MCC: variants seen among roughly 807,000 people sequenced by gnomAD.
The protein encoded by MCC is MCC regulator of Wnt signaling pathway.
A neutral mutation model predicts 116.2 loss-of-function variants in MCC; 90 were observed. The observed-to-expected ratio is 0.77, with a 90% confidence interval of 0.65 to 0.92. MCC has a LOEUF of 0.92. MCC is among the 40% of genes least tolerant of loss of function. The pLI, the probability that MCC is intolerant of heterozygous loss-of-function variation, is 0.00. For missense variants in MCC, 1,516 were observed against 1,312.2 expected, an observed-to-expected ratio of 1.16 and a Z score of -2.40; for synonymous variants, 578 against 510.5, an observed-to-expected ratio of 1.13 and a Z score of -1.78.
Position 113,488,291 on chromosome 5 carries a change from G to C in MCC, c.124C>G (p.Arg42Gly). The C allele has an allele frequency of 6.3e-7, 1 of 1,595,028 alleles. No individual in the cohort carries two copies. Among genetic ancestry groups the C allele is most frequent in the East Asian group, 2.4e-5 (1 of 40,890 alleles). The change falls in exon 1 of 19, where the codon CGC (arginine) becomes GGC (glycine). Residue 42 changes from arginine (R) to glycine (G), a missense_variant. Transcript: ENST00000408903. The stretch of plus-strand genomic sequence containing the variant: ...TCGCCGTCGCACGTCTGGAAGAGGC[G>C]CCGCATCCTCTCCTCCTCGCCGGTG... ...SSTGEEERMR[R>G]LFQTCDGDGD... is the part of the protein sequence containing the mutation.
intron 11 of MCC, among the ~76,000 whole-genome samples, chr5:113,081,057 T>G (rs1754825819): frequency 1.3e-5 from 2 of 152,278 alleles, no homozygotes; most frequent in South Asian, 2.1e-4. Flanking sequence ...GGAAAACATT[T>G]TGGTGGGTAG....
chr5:113,325,765 T>G (rs1445039706), intron 3 of MCC, among the ~76,000 whole-genome samples: 2 of 152,166 alleles, frequency 1.3e-5, no homozygotes, highest in East Asian at 3.8e-4. Flanking sequence ...CACTTTACAG[T>G]TGAATTTCAC....
rs182562709 is a variant in MCC at position 113,064,615 on chromosome 5, G to A, written c.2030-448C>T. 9.6e-4 allele frequency among the ~76,000 whole-genome samples: 146 copies of A among 152,334 alleles called. 1 individual carries two copies. Among genetic ancestry groups the A allele is most frequent in the African/African-American group, 3.4e-3 (142 of 41,578 alleles). On this transcript the variant is annotated intron_variant, in intron 13 of 18. Transcript: ENST00000408903. ...ATCTTTCCACATGTCTACAGCTTTG[G>A]TTAGAGCCCTGTGTGGGGGCAAGAG...
intron 11 of MCC, among the ~76,000 whole-genome samples, chr5:113,079,147 A>G (rs1262325426): frequency 6.6e-6 from 1 of 152,240 alleles, no homozygotes; most frequent in Non-Finnish European, 1.5e-5. Flanking sequence ...CCACTGCTCA[A>G]CGAAATAGAA....
intron 3 of MCC, among the ~76,000 whole-genome samples, chr5:113,170,251 GGT>G: frequency 6.6e-6 from 1 of 152,236 alleles, no homozygotes; most frequent in African/African-American, 2.4e-5. Flanking sequence ...GGAGCCATAG[GGT>G]GCTAACTGGT....
chr5:113,158,246 G>C (rs1221319161), intron 3 of MCC, among the ~76,000 whole-genome samples: 8 of 152,240 alleles, frequency 5.3e-5, no homozygotes, highest in African/African-American at 9.6e-5. Context: ...TGAGCCACTT[G>C]CTTTCCAGAT....
chr5:113,041,406 A>T (rs931829850), intron 17 of MCC, among the ~76,000 whole-genome samples: 3 of 152,248 alleles, frequency 2.0e-5, no homozygotes, highest in African/African-American at 7.2e-5. Flanking sequence ...AATCATAAAA[A>T]ATGAAAGGCA....
chr5:113,195,440 G>GT (rs1323573380), intron 3 of MCC, among the ~76,000 whole-genome samples: 2 of 151,930 alleles, frequency 1.3e-5, no homozygotes, highest in Admixed American at 6.6e-5. Flanking sequence ...CCTCAAACAT[G>GT]TTTCTCATCT....
At chr5:113,107,219 T>TC (rs1199982716) in intron 6 of MCC, among the ~76,000 whole-genome samples, 24 of 148,912 alleles carry the variant, frequency 1.6e-4, no homozygotes, top group Non-Finnish European at 1.0e-4. Context: ...TTTTTTTTTT[T>TC]TCTTTTTTTT....
chr5:113,049,007 G>T, intron 16 of MCC, 86 bp downstream of exon 16: 1 of 1,267,380 alleles, frequency 7.9e-7, no homozygotes, highest in Non-Finnish European at 1.1e-6. Flanking sequence ...TGAGGCAGCA[G>T]GGCGGTGAGG....
At chr5:113,049,003 A>C (rs1281100675) in intron 16 of MCC, 90 bp downstream of exon 16, 8 of 1,221,690 alleles carry the variant, frequency 6.5e-6, no homozygotes, top group Non-Finnish European at 9.5e-6. Context: ...GAACTGAGGC[A>C]GCAGGGCGGT....
At chr5:113,425,043 T>A (rs1770444626) in intron 1 of MCC, among the ~76,000 whole-genome samples, 1 of 152,130 alleles carries the variant, frequency 6.6e-6, no homozygotes, top group Non-Finnish European at 1.5e-5. Context: ...CTTAAGAATA[T>A]CAGTTTCCAT....
intron 5 of MCC, among the ~76,000 whole-genome samples, chr5:113,132,352 G>T (rs182683403): frequency 1.9e-4 from 28 of 146,328 alleles, no homozygotes; most frequent in African/African-American, 7.2e-4. Context: ...AAAAAGAAAA[G>T]TGCATATGTG....
At chr5:113,130,442 G>T (rs527924701) in intron 5 of MCC, among the ~76,000 whole-genome samples, 1 of 151,982 alleles carries the variant, frequency 6.6e-6, no homozygotes, top group Non-Finnish European at 1.5e-5. Context: ...AAACCTGCAC[G>T]TTCTGCAGAT....
chr5:113,182,679 A>T (rs1270346125), intron 3 of MCC, among the ~76,000 whole-genome samples: 1 of 152,204 alleles, frequency 6.6e-6, no homozygotes, highest in African/African-American at 2.4e-5. Flanking sequence ...TTCCTTTCAC[A>T]TACAACATAT....
At chr5:113,250,348 T>C (rs1764749631) in intron 3 of MCC, among the ~76,000 whole-genome samples, 2 of 152,238 alleles carry the variant, frequency 1.3e-5, no homozygotes, top group Non-Finnish European at 2.9e-5. Context: ...GAAGATTGTT[T>C]AGTCCAACCT....
chr5:113,427,472 A>C (rs528190732), intron 1 of MCC, among the ~76,000 whole-genome samples: 2 of 152,316 alleles, frequency 1.3e-5, no homozygotes, highest in Admixed American at 1.3e-4. Context: ...CTGTTTGCCA[A>C]GCAGAATATT....
chr5:113,242,443 G>T (rs1252768372), intron 3 of MCC, among the ~76,000 whole-genome samples: 4 of 151,474 alleles, frequency 2.6e-5, no homozygotes, highest in African/African-American at 9.7e-5. Context: ...AGATAATAAA[G>T]GACAAAATTA....
At chr5:113,119,941 T>A (rs1581102581) in intron 6 of MCC, among the ~76,000 whole-genome samples, 1 of 152,228 alleles carries the variant, frequency 6.6e-6, no homozygotes, top group African/African-American at 2.4e-5. Context: ...AGACGCCACC[T>A]CAAGTCAGGA....
Sources: allele counts gnomAD v4.1 joint callset (sites outside exome capture counted in the v4.1 genomes callset), GRCh38; gene constraint gnomAD v4.1.1; transcripts MANE v1.5; gene names NCBI Gene and HGNC (gene_info 2026-07-23, HGNC 2026-07-21).